The following TNR variants were observed in gnomAD, a reference collection of about 807,000 sequenced individuals.
The protein encoded by TNR is tenascin R.
TNR carries 45 observed loss-of-function variants against 150.4 expected under a neutral mutation model. The ratio of observed to expected loss-of-function variants is 0.30; its 90% CI spans 0.24 to 0.38. The LOEUF is 0.38. Among genes scored for constraint, TNR ranks in the 10% least tolerant of loss-of-function variants. The pLI, the probability that TNR is intolerant of heterozygous loss-of-function variation, is 1.00. For synonymous variants in TNR, 687 were observed against 678.4 expected, an observed-to-expected ratio of 1.01 and a Z score of -0.20; for missense variants, 1,544 against 1,759.1, an observed-to-expected ratio of 0.88 and a Z score of 2.19.
rs58416273 is a variant in TNR, at chr1:175,517,012, T to TGAGAGAGAGAGAGA, written c.-64+11243_-64+11256dup. Among the ~76,000 whole-genome samples the TGAGAGAGAGAGAGA allele has an allele frequency of 5.0e-5, 6 of 120,450 alleles. No individual in the cohort carries two copies. The South Asian group carries it at 1.0e-3, about 20-fold the overall frequency. 79.0% of individuals were successfully genotyped at this position (120,450 alleles called of 152,430 possible). On this transcript the variant is annotated intron_variant, in intron 2 of 22. Coordinates refer to ENST00000367674, the MANE Select transcript of TNR (RefSeq NM_003285.3). ...AGCACAAATTAGTACATCTGAAAGC[T>TGAGAGAGAGAGAGA]GAGAGAGAGAGAGAGAGAGAGAGAG...
In TNR at chr1:175,559,286, T is replaced by A. The variant is rs1661318777; in HGVS notation, c.-164-30917A>T. ...AGTACTGAATTGTTCACTTTAAAAT[T>A]GTTAATTTTATGCCATGTGAATTTC... is the stretch of plus-strand genomic sequence containing the variant. On this transcript the variant is annotated intron_variant, in intron 1 of 22. Coordinates refer to ENST00000367674, the MANE Select transcript of TNR (RefSeq NM_003285.3). 3.9e-5 allele frequency among the ~76,000 whole-genome samples: 6 copies of A among 152,166 alleles called. No homozygotes were observed. In the South Asian group the frequency reaches 1.2e-3, roughly 32 times the overall value.
intron 1 of TNR, among the ~76,000 whole-genome samples, chr1:175,689,435 C>T (rs1666292670): frequency 6.6e-6 from 1 of 152,172 alleles, no homozygotes. Context: ...GATTGGAGGC[C>T]TGCAAGCTTC....
At chr1:175,669,428 G>C (rs1665628517) in intron 1 of TNR, among the ~76,000 whole-genome samples, 1 of 152,076 alleles carries the variant, frequency 6.6e-6, no homozygotes, top group Non-Finnish European at 1.5e-5. Flanking sequence ...CATCAAATAG[G>C]GCACCCATGC....
intron 1 of TNR, among the ~76,000 whole-genome samples, chr1:175,714,453 C>T (rs543865823): frequency 3.2e-3 from 485 of 152,244 alleles, no homozygotes; most frequent in Non-Finnish European, 5.5e-3. Flanking sequence ...GACAGTCCTC[C>T]CTCCCTCACC....
At chr1:175,659,872 T>C (rs1401139616) in intron 1 of TNR, among the ~76,000 whole-genome samples, 1 of 151,370 alleles carries the variant, frequency 6.6e-6, no homozygotes, top group Non-Finnish European at 1.5e-5. Context: ...TAACCTGGAC[T>C]TTTACATGAA....
chr1:175,615,009 G>T (rs1663724900), intron 1 of TNR, among the ~76,000 whole-genome samples: 1 of 152,248 alleles, frequency 6.6e-6, no homozygotes, highest in Non-Finnish European at 1.5e-5. Flanking sequence ...GACTCATGGG[G>T]ATCCCCCCAC....
At chr1:175,647,125 A>C (rs1664831759) in intron 1 of TNR, among the ~76,000 whole-genome samples, 1 of 152,350 alleles carries the variant, frequency 6.6e-6, no homozygotes, top group South Asian at 2.1e-4. Context: ...CTCTGCCTGC[A>C]ATAATATTTT....
intron 1 of TNR, among the ~76,000 whole-genome samples, chr1:175,617,577 C>G (rs900392358): frequency 2.6e-5 from 4 of 152,218 alleles, no homozygotes; most frequent in African/African-American, 9.6e-5. Context: ...CCAGCCACAT[C>G]AGCATTACCT....
chr1:175,604,140 T>C lies in TNR; in HGVS notation c.-164-75771A>G, dbSNP rs115954417. On this transcript the variant is annotated intron_variant, in intron 1 of 22. Coordinates refer to ENST00000367674, the MANE Select transcript of TNR (RefSeq NM_003285.3). ...GCTTTTCCCCTTCCCCGCTCCCCTCTTCTAATGAATTCTTCAAGCAGCATC... is the reference window on the plus strand; with the variant it reads ...GCTTTTCCCCTTCCCCGCTCCCCTCCTCTAATGAATTCTTCAAGCAGCATC... Among the ~76,000 whole-genome samples the C allele has an allele frequency of 4.3e-3, 658 of 152,152 alleles. 5 individuals are homozygous for C. The highest frequency in any genetic ancestry group is 0.015 in the African/African-American group (620 of 41,508).
chr1:175,371,239 C>A (rs1244768289), intron 9 of TNR, among the ~76,000 whole-genome samples: 1 of 152,164 alleles, frequency 6.6e-6, no homozygotes, highest in Admixed American at 6.5e-5. Context: ...TGGCCCTGTT[C>A]CCTTTCTTAA....
In TNR at chr1:175,365,007, C is replaced by T. The variant is rs1651765373; in HGVS notation, c.2587+3G>A. 6.2e-7 allele frequency: 1 copy of T among 1,603,280 alleles called. No homozygotes were observed. Among genetic ancestry groups the T allele is most frequent in the East Asian group, 2.2e-5 (1 of 44,612 alleles). ...CACCTGCTGCCAAGTCCTCCAGCCT[C>T]ACCTGTGGTGATGGAGCCCACAATG... On this transcript the variant is annotated splice_donor_region_variant and intron_variant, in intron 12 of 22. Coordinates refer to ENST00000367674, the MANE Select transcript of TNR (RefSeq NM_003285.3).
chr1:175,361,979 C>T (rs970478338), intron 14 of TNR, among the ~76,000 whole-genome samples: 1 of 152,190 alleles, frequency 6.6e-6, no homozygotes, highest in Non-Finnish European at 1.5e-5. Context: ...TCCTCACTTT[C>T]CCATATTGCA....
intron 6 of TNR, among the ~76,000 whole-genome samples, chr1:175,392,709 G>A (rs1653236386): frequency 1.3e-5 from 2 of 152,190 alleles, no homozygotes; most frequent in South Asian, 4.2e-4. Flanking sequence ...AAGAAAATGG[G>A]GCATACAGAT....
chr1:175,618,493 G>C (rs979423415), intron 1 of TNR, among the ~76,000 whole-genome samples: 5 of 152,132 alleles, frequency 3.3e-5, no homozygotes, highest in African/African-American at 1.2e-4. Flanking sequence ...CAGCCACTTA[G>C]CTGCTTTTGT....
Position 175,526,010 on chromosome 1 carries a change from G to T in TNR, c.-64+2259C>A, listed in dbSNP as rs189109355. 5.7e-5 allele frequency among the ~76,000 whole-genome samples: 8 copies of T among 141,364 alleles called. 1 individual carries two copies. In the East Asian group the frequency reaches 1.6e-3, roughly 28 times the overall value. The allele number at this position is 141,364 out of a possible 152,430, so 92.7% of individuals were successfully genotyped here. On this transcript the variant is annotated intron_variant, in intron 2 of 22. Transcript: ENST00000367674. ...CCATTTGTTTATGTCCACTTTTGCTGGTTTTTTTTTTTAAATTCCCCTTTC... is the reference window on the plus strand; with the variant it reads ...CCATTTGTTTATGTCCACTTTTGCTTGTTTTTTTTTTTAAATTCCCCTTTC...
At chr1:175,666,565 A>C (rs746190320) in intron 1 of TNR, among the ~76,000 whole-genome samples, 7 of 152,204 alleles carry the variant, frequency 4.6e-5, no homozygotes, top group South Asian at 4.1e-4. Flanking sequence ...TAATGCTGCA[A>C]GCTCCGTGCT....
intron 2 of TNR, among the ~76,000 whole-genome samples, chr1:175,434,677 C>T (rs1238200351): frequency 6.6e-6 from 1 of 152,188 alleles, no homozygotes; most frequent in Non-Finnish European, 1.5e-5. Context: ...TCTTACCACT[C>T]CTGGCCCCTT....
chr1:175,480,551 G>A (rs1657757930), intron 2 of TNR, among the ~76,000 whole-genome samples: 1 of 152,098 alleles, frequency 6.6e-6, no homozygotes, highest in Non-Finnish European at 1.5e-5. Context: ...CTTCTCTCTG[G>A]TCATAATGAC....
At chr1:175,649,218 T>C (rs1664885716) in intron 1 of TNR, among the ~76,000 whole-genome samples, 1 of 152,118 alleles carries the variant, frequency 6.6e-6, no homozygotes, top group Non-Finnish European at 1.5e-5. Context: ...AGCAAATCTG[T>C]CTCAGGGCTA....
Sources: allele counts gnomAD v4.1 joint callset (sites outside exome capture counted in the v4.1 genomes callset), GRCh38; gene constraint gnomAD v4.1.1; transcripts MANE v1.5; gene names NCBI Gene and HGNC (gene_info 2026-07-23, HGNC 2026-07-21).